The following ADCK1 variants were observed in gnomAD, a reference collection of about 807,000 sequenced individuals.
The protein encoded by ADCK1 is aarF domain-containing protein kinase 1.
ADCK1 carries 41 observed loss-of-function variants against 52.3 expected under a neutral mutation model. That is an observed-to-expected ratio of 0.78 (90% CI 0.61 to 1.02). ADCK1 has a LOEUF of 1.02. Ranked by LOEUF, ADCK1 falls within the 50% of genes least tolerant of loss-of-function variation. The pLI is 0.00. For synonymous variants in ADCK1, 250 were observed against 274.6 expected, an observed-to-expected ratio of 0.91 and a Z score of 0.89; for missense variants, 658 against 679.5, an observed-to-expected ratio of 0.97 and a Z score of 0.35.
chr14:77,802,339 A>G (rs57615727), intron 1 of ADCK1, among the ~76,000 whole-genome samples: 29,278 of 151,806 alleles, frequency 0.19, 2,932 homozygotes, highest in Non-Finnish European at 0.23. Context: ...GCTTTGCCCT[A>G]TTCTCCCTCA....
intron 4 of ADCK1, among the ~76,000 whole-genome samples, chr14:77,870,268 T>A (rs1398105363): frequency 6.6e-6 from 1 of 152,214 alleles, no homozygotes; most frequent in Non-Finnish European, 1.5e-5. Flanking sequence ...GAACCAGGAT[T>A]TGAGCTCTGA....
At chr14:77,841,674 C>CAAAAAAAAAAA (rs71128696) in intron 3 of ADCK1, among the ~76,000 whole-genome samples, 2 of 74,276 alleles carry the variant, frequency 2.7e-5, no homozygotes, top group Admixed American at 1.6e-4. Context: ...ACTAAAAATA[C>CAAAAAAAAAAA]AAAAAAAAAA....
At chr14:77,859,051 C>T (rs752386872) in intron 3 of ADCK1, 25 bp from the exon 4 acceptor site, 15 of 1,573,650 alleles carry the variant, frequency 9.5e-6, no homozygotes, top group Non-Finnish European at 1.3e-5. Context: ...TCACACCTCT[C>T]TGGTCCTGGC....
intron 4 of ADCK1, among the ~76,000 whole-genome samples, chr14:77,884,249 G>A (rs1033551124): frequency 6.6e-5 from 10 of 152,182 alleles, no homozygotes; most frequent in African/African-American, 2.4e-4. Context: ...TTAGCTGCCC[G>A]AGAGATGAGG....
intron 3 of ADCK1, among the ~76,000 whole-genome samples, chr14:77,823,982 T>G (rs2081637285): frequency 6.6e-6 from 1 of 152,182 alleles, no homozygotes; most frequent in Admixed American, 6.6e-5. Context: ...CACTGCAACC[T>G]CCATCTCCCA....
intron 1 of ADCK1, among the ~76,000 whole-genome samples, chr14:77,816,728 G>T (rs1252301505): frequency 2.6e-5 from 4 of 151,664 alleles, no homozygotes; most frequent in Non-Finnish European, 5.9e-5. Context: ...CCCAAAGAAG[G>T]GGTTGTGGGA....
At chr14:77,914,080 A>G (rs1038987824) in intron 7 of ADCK1, among the ~76,000 whole-genome samples, 2 of 151,886 alleles carry the variant, frequency 1.3e-5, no homozygotes, top group African/African-American at 4.8e-5. Flanking sequence ...CCCAAATCTC[A>G]TTTTCAGAGG....
chr14:77,921,997 C>A (rs992890991), intron 7 of ADCK1, among the ~76,000 whole-genome samples: 1 of 152,232 alleles, frequency 6.6e-6, no homozygotes, highest in Non-Finnish European at 1.5e-5. Flanking sequence ...CTCAGTCTGG[C>A]TGCACTGCTT....
At chr14:77,922,835 G>A (rs563475579) in intron 7 of ADCK1, among the ~76,000 whole-genome samples, 15 of 152,278 alleles carry the variant, frequency 9.9e-5, no homozygotes, top group Non-Finnish European at 2.2e-4. Context: ...CTAAATTAGG[G>A]TCATTCTTGA....
intron 4 of ADCK1, among the ~76,000 whole-genome samples, chr14:77,862,725 G>C (rs1159913340): frequency 2.0e-5 from 3 of 152,180 alleles, no homozygotes; most frequent in African/African-American, 7.2e-5. Context: ...GCTGGTCTAC[G>C]CGGTTGGCAT....
intron 6 of ADCK1, among the ~76,000 whole-genome samples, chr14:77,905,508 T>G (rs915904178): frequency 6.6e-6 from 1 of 151,364 alleles, no homozygotes; most frequent in Non-Finnish European, 1.5e-5. Flanking sequence ...CCCTCGCTGT[T>G]TTTTAAGCTG....
chr14:77,808,618 C>T (rs562824465), intron 1 of ADCK1, among the ~76,000 whole-genome samples: 31 of 152,322 alleles, frequency 2.0e-4, no homozygotes, highest in African/African-American at 7.2e-4. Flanking sequence ...TCTTGTTGCC[C>T]AGGCTGGAGT....
chr14:77,813,767 G>T (rs925626739), intron 1 of ADCK1, among the ~76,000 whole-genome samples: 12 of 146,674 alleles, frequency 8.2e-5, no homozygotes, highest in Admixed American at 2.7e-4. Flanking sequence ...TTGTTTTCCT[G>T]TTTTTTTTTT....
chr14:77,924,344 C>T (rs2084133196), intron 7 of ADCK1, 113 bp from the exon 8 acceptor site: 1 of 1,401,876 alleles, frequency 7.1e-7, no homozygotes, highest in South Asian at 1.4e-5. Flanking sequence ...CGCTCCGGCC[C>T]ACCGATTTTC....
At chr14:77,871,584 C>T (rs1164629571) in intron 4 of ADCK1, among the ~76,000 whole-genome samples, 1 of 152,154 alleles carries the variant, frequency 6.6e-6, no homozygotes, top group Non-Finnish European at 1.5e-5. Context: ...TCTCAACCTC[C>T]TGGCCTCAGG....
chr14:77,822,621 A>AT (rs2081607386), intron 3 of ADCK1, 103 bp downstream of exon 3: 1 of 1,006,736 alleles, frequency 9.9e-7, no homozygotes, highest in Non-Finnish European at 1.5e-6. Flanking sequence ...AAGTGCTGGG[A>AT]TTAAAGGCAT....
chr14:77,854,948 C>A (rs977113053), intron 3 of ADCK1, among the ~76,000 whole-genome samples: 7 of 152,210 alleles, frequency 4.6e-5, no homozygotes, highest in African/African-American at 1.7e-4. Context: ...GACTACTATT[C>A]TTCTGCCCTA....
At chr14:77,919,275 T>G (rs1363634390) in intron 7 of ADCK1, among the ~76,000 whole-genome samples, 1 of 152,228 alleles carries the variant, frequency 6.6e-6, no homozygotes, top group Non-Finnish European at 1.5e-5. Flanking sequence ...CATTGTATCA[T>G]TCTTATGCCT....
rs71303864 is a variant in ADCK1, at chr14:77,852,907, A to ATT, written c.220-6146_220-6145dup. On this transcript the variant is annotated intron_variant, in intron 3 of 10. Transcript: ENST00000238561. ...TGTATATATATATATATATATATAT[A>ATT]TTTTTTTTTTTTTTTTTTTTTTTTA... Among the ~76,000 whole-genome samples, 29 of 28,954 alleles carry ATT rather than the reference A, an allele frequency of 1.0e-3. 3 individuals carry two copies. The highest frequency in any genetic ancestry group is 2.7e-3 in the African/African-American group (12 of 4,504). 19.0% of individuals were successfully genotyped at this position (28,954 alleles called of 152,430 possible).
Sources: gnomAD v4.1 joint callset for allele counts (sites outside exome capture counted in the v4.1 genomes callset) on GRCh38, gnomAD v4.1.1 for gene constraint, MANE v1.5 for transcripts, NCBI Gene and HGNC (gene_info 2026-07-23, HGNC 2026-07-21) for gene names.